Variants in SMTN observed in about 807,000 individuals in gnomAD.
The protein encoded by SMTN is smoothelin.
SMTN carries 58 observed loss-of-function variants against 102.0 expected under a neutral mutation model. That is an observed-to-expected ratio of 0.57 (90% CI 0.46 to 0.71). The LOEUF (loss-of-function observed/expected upper bound fraction) is 0.71, where lower values mean the gene tolerates loss of function less well. SMTN is among the 30% of genes least tolerant of loss of function. The probability of loss-of-function intolerance (pLI) is 0.00; values close to 1 mark genes in which losing one functional copy is unlikely to be tolerated. For missense variants in SMTN, 1,185 were observed against 1,241.7 expected (o/e 0.95, Z 0.69); for synonymous variants, 478 against 497.9 (o/e 0.96, Z 0.53).
Position 31,104,319 on chromosome 22 carries a change from G to A in SMTN, c.*24G>A, listed in dbSNP as rs200713115. The A allele has an allele frequency of 2.1e-5, 34 of 1,614,142 alleles. No individual in the cohort carries two copies. Among genetic ancestry groups the A allele is most frequent in the Non-Finnish European group, 2.4e-5 (28 of 1,179,986 alleles). On this transcript the variant is annotated 3_prime_UTR_variant, in exon 21 of 21. Coordinates refer to ENST00000333137, the MANE Select transcript of SMTN (RefSeq NM_134269.3). ...ACCCCGTGCCCCCTCCCTGCAGGATGCTGGTGGACTGTGTGCCCCTGGTGG... is the reference window on the plus strand; with the variant it reads ...ACCCCGTGCCCCCTCCCTGCAGGATACTGGTGGACTGTGTGCCCCTGGTGG...
At chr22:31,085,083 T>G in intron 2 of SMTN, 4 of 1,534,134 alleles carry the variant, frequency 2.6e-6, no homozygotes, top group Non-Finnish European at 3.5e-6. Flanking sequence ...ATGGGAGGAA[T>G]GGGGACGCCT....
upstream of SMTN, among the ~76,000 whole-genome samples, chr22:31,077,233 C>A (rs1295965592): frequency 6.6e-6 from 1 of 151,984 alleles, no homozygotes; most frequent in Non-Finnish European, 1.5e-5. Context: ...CATAGGGAGA[C>A]CCTTGTCTCT....
chr22:31,084,507 G>C (rs1482549968), intron 2 of SMTN, among the ~76,000 whole-genome samples: 5 of 152,186 alleles, frequency 3.3e-5, no homozygotes, highest in African/African-American at 1.2e-4. Flanking sequence ...CAGCCTGGAG[G>C]GGATGAGGTT....
At chr22:31,082,515 A>G (rs1273003372) in intron 1 of SMTN, 1 of 482,682 alleles carries the variant, frequency 2.1e-6, no homozygotes, top group South Asian at 1.5e-5. Context: ...CAATCTTCTC[A>G]GTTTGCCTGA....
chr22:31,104,195 C>T (rs1228596730), intron 20 of SMTN, 121 bp from the exon 21 acceptor site: 5 of 1,191,732 alleles, frequency 4.2e-6, no homozygotes, highest in Non-Finnish European at 5.9e-6. Flanking sequence ...AAGGCTTTTC[C>T]CTGTCTGGAG....
chr22:31,099,029 T>C, intron 17 of SMTN, 33 bp from the exon 18 acceptor site: 1 of 1,592,486 alleles, frequency 6.3e-7, no homozygotes, highest in East Asian at 2.2e-5. Flanking sequence ...CCCCTTATAG[T>C]CGTGTGACCT....
chr22:31,070,518 A>G (rs1483992207), intron 1 of SMTN, among the ~76,000 whole-genome samples: 1 of 152,054 alleles, frequency 6.6e-6, no homozygotes, highest in East Asian at 1.9e-4. Flanking sequence ...GTCGAGACCA[A>G]CTTAGTTTTT....
At chr22:31,072,594 TG>T (rs374899701) in intron 1 of SMTN, among the ~76,000 whole-genome samples, 28 of 151,336 alleles carry the variant, frequency 1.9e-4, no homozygotes, top group African/African-American at 6.8e-4. Context: ...CCCAAGTAGC[TG>T]GGATTACAGG....
chr22:31,092,612 G>A, intron 11 of SMTN: 2 of 460,288 alleles, frequency 4.3e-6, no homozygotes, highest in South Asian at 1.6e-5. Context: ...GGCCTTCTCA[G>A]GGGAGACAGG....
At chr22:31,064,151 G>A (rs2147437742) in exon 1 of SMTN, 1 of 152,398 alleles carries the variant, frequency 6.6e-6, no homozygotes, top group South Asian at 2.1e-4. Flanking sequence ...AGAACGGCAT[G>A]GTTGGAGTCA....
rs749647879 is a variant in SMTN, at chr22:31,097,052, G to T, written c.2081G>T (p.Arg694Leu). 6.2e-6 allele frequency: 10 copies of T among 1,613,986 alleles called. No individual in the cohort carries two copies. The South Asian group carries it at 1.1e-4, about 18-fold the overall frequency. The change falls in exon 15 of 21, where the codon CGC (arginine) becomes CTC (leucine). Residue 694 changes from arginine (R) to leucine (L), a missense_variant. Coordinates refer to ENST00000333137, the MANE Select transcript of SMTN (RefSeq NM_134269.3). ...TTTVESSFVR[R>L]SENGSGSTMM... ...ACAGTGGAGTCGAGTTTCGTGAGGC[G>T]CTCGGAGAGTAAGGCCACCTGGTGT...
At chr22:31,085,789 G>A (rs1272278845) in intron 2 of SMTN, among the ~76,000 whole-genome samples, 1 of 152,240 alleles carries the variant, frequency 6.6e-6, no homozygotes, top group Admixed American at 6.5e-5. Context: ...GGTGACCAGT[G>A]GAATGAGGTT....
At chr22:31,104,104 A>C (rs1247443117) in intron 20 of SMTN, 1 of 581,044 alleles carries the variant, frequency 1.7e-6, no homozygotes, top group Non-Finnish European at 3.0e-6. Flanking sequence ...CTCCGCCTCC[A>C]CCTGCCTAGC....
chr22:31,069,581 A>G (rs765176606), intron 1 of SMTN, among the ~76,000 whole-genome samples: 1 of 152,218 alleles, frequency 6.6e-6, no homozygotes, highest in Non-Finnish European at 1.5e-5. Context: ...GTGAACGCCT[A>G]GAGGTAGGGA....
chr22:31,072,280 T>C (rs2042023079), intron 1 of SMTN, among the ~76,000 whole-genome samples: 1 of 152,132 alleles, frequency 6.6e-6, no homozygotes, highest in South Asian at 2.1e-4. Context: ...AACTGAGGCC[T>C]AGAGAAATTA....
At chr22:31,068,268 C>T (rs942462725) in intron 1 of SMTN, 2 of 151,512 alleles carry the variant, frequency 1.3e-5, no homozygotes, top group Non-Finnish European at 2.9e-5. Context: ...CGCGCCATTG[C>T]ACTCTAGCCT....
chr22:31,071,657 G>C (rs570848951), intron 1 of SMTN, among the ~76,000 whole-genome samples: 3 of 150,980 alleles, frequency 2.0e-5, no homozygotes, highest in African/African-American at 7.3e-5. Flanking sequence ...AATTCAACTG[G>C]GGAAATAGTT....
rs369411059 is a variant in SMTN, at chr22:31,093,838, C to T, written c.1633-1465C>T. On this transcript the variant is annotated intron_variant, in intron 11 of 20. Transcript: ENST00000333137. The stretch of plus-strand genomic sequence containing the variant: ...CCACCCACCTGCCTTCAGCACCCGC[C>T]GCCGCTCCTCCACCGGCACCACCCG... The T allele has an allele frequency of 9.4e-6, 15 of 1,588,062 alleles. No individual in the cohort carries two copies. The highest frequency in any genetic ancestry group is 6.8e-5 in the Admixed American group (4 of 58,866).
chr22:31,074,744 C>T (rs1346905089), intron 1 of SMTN, among the ~76,000 whole-genome samples: 2 of 152,112 alleles, frequency 1.3e-5, no homozygotes, highest in Non-Finnish European at 2.9e-5. Flanking sequence ...TTGCAGTGAG[C>T]TGAGATTGTG....
Sources: gnomAD v4.1 joint callset for allele counts (sites outside exome capture counted in the v4.1 genomes callset) on GRCh38, gnomAD v4.1.1 for gene constraint, MANE v1.5 for transcripts, NCBI Gene and HGNC (gene_info 2026-07-23, HGNC 2026-07-21) for gene names.